MTRF1: variants seen among roughly 807,000 people sequenced by gnomAD.
MTRF1 encodes peptide chain release factor 1, mitochondrial.
MTRF1 carries 51 observed loss-of-function variants against 62.9 expected under a neutral mutation model. The observed-to-expected ratio is 0.81, with a 90% CI of 0.65 to 1.02. The LOEUF (loss-of-function observed/expected upper bound fraction) is 1.02. Ranked by LOEUF, MTRF1 falls within the 50% of genes least tolerant of loss-of-function variation. The pLI is 0.00. For synonymous variants in MTRF1, 158 were observed against 181.9 expected (o/e 0.87, Z 1.06); for missense variants, 446 against 530.0 (o/e 0.84, Z 1.56).
At chr13:41,284,160 G>C in the MTRF1 span, among the ~76,000 whole-genome samples, 1 of 150,238 alleles carries the variant, frequency 6.7e-6, no homozygotes, top group Non-Finnish European at 1.5e-5. Flanking sequence ...TGGGCAACAT[G>C]GGGAGACACC....
At chr13:41,238,292 G>A (rs1216033334) in intron 6 of MTRF1, among the ~76,000 whole-genome samples, 1 of 152,150 alleles carries the variant, frequency 6.6e-6, no homozygotes, top group African/African-American at 2.4e-5. Flanking sequence ...ATTTCAAAAG[G>A]ACAAAAGAGG....
chr13:41,268,114 T>C (rs138255683), upstream of MTRF1, among the ~76,000 whole-genome samples: 33 of 152,212 alleles, frequency 2.2e-4, no homozygotes, highest in East Asian at 6.4e-3. Context: ...ATAAGAGCAA[T>C]GGGGATGTAA....
Position 41,221,599 on chromosome 13 carries a change from T to C in MTRF1, c.1224+1657A>G, listed in dbSNP as rs148480520. On this transcript the variant is annotated intron_variant, in intron 9 of 9. Coordinates refer to ENST00000379480, the MANE Select transcript of MTRF1 (RefSeq NM_004294.4). Reference sequence around the variant, plus strand: ...CTTCTTCCAGTAGACTAGTTAGTGATTATTAGAGCTTACCAGTGTTATTTT... The same window carrying C: ...CTTCTTCCAGTAGACTAGTTAGTGACTATTAGAGCTTACCAGTGTTATTTT... Among the ~76,000 whole-genome samples, 488 of 152,320 alleles carry C rather than the reference T, an allele frequency of 3.2e-3. 2 individuals carry two copies. The highest frequency in any genetic ancestry group is 0.011 in the African/African-American group (446 of 41,586).
the MTRF1 span, among the ~76,000 whole-genome samples, chr13:41,294,603 A>G: frequency 6.6e-6 from 1 of 152,070 alleles, no homozygotes; most frequent in Non-Finnish European, 1.5e-5. Context: ...TATTTTTGGT[A>G]AGAAAGGTTA....
In MTRF1 at chr13:41,258,571, A is replaced by C. The variant is rs111974468; in HGVS notation, c.415+1922T>G. Among the ~76,000 whole-genome samples the C allele has an allele frequency of 3.6e-3, 306 of 84,048 alleles. 2 individuals are homozygous for C. Among genetic ancestry groups the C allele is most frequent in the African/African-American group, 0.012 (259 of 21,642 alleles). The allele number at this position is 84,048 out of a possible 152,430, so 55.1% of individuals were successfully genotyped here. A position where few individuals can be genotyped will look rare whatever the true frequency, so the allele number is the denominator to read the frequency against. On this transcript the variant is annotated intron_variant, in intron 2 of 9. Transcript: ENST00000379480. ...AGTGAGGGACCATCTCTTAAAAAAA[A>C]AAACAAAAAAAAAAAACATAAAAAA...
the MTRF1 span, among the ~76,000 whole-genome samples, chr13:41,275,699 G>C: frequency 5.3e-5 from 8 of 151,348 alleles, no homozygotes; most frequent in Non-Finnish European, 7.4e-5. Context: ...CACCATGTTG[G>C]CCAGGCTGGT....
intron 2 of MTRF1, among the ~76,000 whole-genome samples, chr13:41,259,887 TTAAA>T (rs2040236127): frequency 6.6e-6 from 1 of 152,072 alleles, no homozygotes; most frequent in Non-Finnish European, 1.5e-5. Flanking sequence ...TAAACAATAC[TTAAA>T]TAAGTTTCTC....
chr13:41,289,948 T>C, the MTRF1 span, among the ~76,000 whole-genome samples: 1 of 152,182 alleles, frequency 6.6e-6, no homozygotes, highest in African/African-American at 2.4e-5. Context: ...AACAACTTTT[T>C]GCAGGGAAAA....
At chr13:41,290,850 T>G in the MTRF1 span, among the ~76,000 whole-genome samples, 1 of 149,866 alleles carries the variant, frequency 6.7e-6, no homozygotes, top group Non-Finnish European at 1.5e-5. Flanking sequence ...CCCAGCACTT[T>G]GGGAGGCCGA....
At chr13:41,311,517 C>A in the MTRF1 span, 2 of 1,597,896 alleles carry the variant, frequency 1.3e-6, no homozygotes, top group East Asian at 4.5e-5. Flanking sequence ...CCTAGCCTCC[C>A]TGCCGGCCAC....
At chr13:41,276,319 G>A in the MTRF1 span, among the ~76,000 whole-genome samples, 1 of 151,896 alleles carries the variant, frequency 6.6e-6, no homozygotes, top group East Asian at 1.9e-4. Flanking sequence ...TTACAGGTAT[G>A]TGCCACCACA....
intron 7 of MTRF1, 66 bp from the exon 8 acceptor site, chr13:41,226,634 C>T (rs2034479689): frequency 1.3e-6 from 2 of 1,549,040 alleles, no homozygotes; most frequent in South Asian, 1.1e-5. Context: ...AACCAAGGAA[C>T]AGTTAAATGA....
At chr13:41,298,954 C>T in the MTRF1 span, among the ~76,000 whole-genome samples, 5 of 152,094 alleles carry the variant, frequency 3.3e-5, no homozygotes, top group East Asian at 1.9e-4. Context: ...CCAAAGCAGG[C>T]GGATCACTTG....
chr13:41,239,170 G>A (rs2037139931), intron 6 of MTRF1, among the ~76,000 whole-genome samples: 1 of 151,856 alleles, frequency 6.6e-6, no homozygotes, highest in Admixed American at 6.6e-5. Flanking sequence ...GGAGGTTAAG[G>A]CAGGAGGATC....
chr13:41,299,402 G>A, the MTRF1 span, among the ~76,000 whole-genome samples: 1 of 152,078 alleles, frequency 6.6e-6, no homozygotes, highest in African/African-American at 2.4e-5. Context: ...TTTTACTAAT[G>A]GATCAGGCAG....
chr13:41,238,555 G>A (rs1280091798), intron 6 of MTRF1, among the ~76,000 whole-genome samples: 8 of 152,014 alleles, frequency 5.3e-5, no homozygotes, highest in South Asian at 4.1e-4. Context: ...AAGGAATGGC[G>A]GAATTAGAAA....
chr13:41,274,862 C>G, the MTRF1 span, among the ~76,000 whole-genome samples: 5 of 152,134 alleles, frequency 3.3e-5, no homozygotes, highest in Non-Finnish European at 7.4e-5. Flanking sequence ...ATTCACCCCC[C>G]TTGGCCTCCC....
chr13:41,229,573 C>A (rs1471933393), intron 7 of MTRF1: 1 of 152,118 alleles, frequency 6.6e-6, no homozygotes, highest in Non-Finnish European at 1.5e-5. Context: ...TTTATGGCTA[C>A]ATAGGGTGGT....
At chr13:41,237,917 A>C (rs188069263) in intron 6 of MTRF1, among the ~76,000 whole-genome samples, 1 of 152,310 alleles carries the variant, frequency 6.6e-6, no homozygotes, top group Admixed American at 6.5e-5. Flanking sequence ...TATAGTATAT[A>C]ATAAACCAAA....
Sources: gnomAD v4.1 joint callset for allele counts (sites outside exome capture counted in the v4.1 genomes callset) on GRCh38, gnomAD v4.1.1 for gene constraint, MANE v1.5 for transcripts, NCBI Gene and HGNC (gene_info 2026-07-23, HGNC 2026-07-21) for gene names.